Variants in CKAP2L observed in about 807,000 individuals in gnomAD.
CKAP2L encodes the protein cytoskeleton associated protein 2L.
CKAP2L carries 42 observed loss-of-function variants against 65.7 expected under a neutral mutation model. The observed-to-expected ratio is 0.64, with a 90% CI of 0.50 to 0.83. The LOEUF (loss-of-function observed/expected upper bound fraction) is 0.83, where lower values mean the gene tolerates loss of function less well. Ranked by LOEUF, CKAP2L falls within the 40% of genes least tolerant of loss-of-function variation. The probability of loss-of-function intolerance (pLI) is 0.00; values close to 1 mark genes in which losing one functional copy is unlikely to be tolerated. For synonymous variants in CKAP2L, 325 were observed against 313.5 expected (o/e 1.04, Z -0.39); for missense variants, 908 against 871.0 (o/e 1.04, Z -0.53).
intron 4 of CKAP2L, among the ~76,000 whole-genome samples, chr2:112,754,239 T>G (rs1157267524): frequency 2.0e-5 from 3 of 152,220 alleles, no homozygotes; most frequent in Non-Finnish European, 4.4e-5. Flanking sequence ...CCGTTTTTTG[T>G]CTTTATAGTT....
At chr2:112,753,586 G>A (rs943416692) in intron 4 of CKAP2L, among the ~76,000 whole-genome samples, 1 of 146,010 alleles carries the variant, frequency 6.8e-6, no homozygotes, top group Admixed American at 7.0e-5. Flanking sequence ...GGAGTGAAGT[G>A]GCATGATCTC....
chr2:112,740,320 A>G (rs949794775), intron 8 of CKAP2L, among the ~76,000 whole-genome samples: 85 of 152,348 alleles, frequency 5.6e-4, no homozygotes, highest in Non-Finnish European at 5.9e-5. Flanking sequence ...TCATGATCAG[A>G]GAAGAGTGGT....
chr2:112,746,398 C>T (rs1558756973), intron 6 of CKAP2L, 22 bp downstream of exon 6: 3 of 1,556,564 alleles, frequency 1.9e-6, no homozygotes, highest in South Asian at 2.4e-5. Flanking sequence ...TAAGAAGTTA[C>T]CCACCCAAGA....
At position 112,738,336 on chromosome 2, in the gene CKAP2L, C is replaced by A; in HGVS notation, c.*487G>T. 1 of 154,922 alleles carries A rather than the reference C, an allele frequency of 6.5e-6. No individual in the cohort carries two copies. The highest frequency in any genetic ancestry group is 1.4e-5 in the Non-Finnish European group (1 of 69,790). 9.6% of individuals were successfully genotyped at this position (154,922 alleles called of 1,614,324 possible). Reference sequence around the variant, plus strand: ...TAAATTTATGATCTCTGAGCAAAGGCACAGCTAGCATAAACTCATCTGTAA... The same window carrying A: ...TAAATTTATGATCTCTGAGCAAAGGAACAGCTAGCATAAACTCATCTGTAA... On this transcript the variant is annotated 3_prime_UTR_variant, in exon 9 of 9. Transcript: ENST00000302450.
intron 5 of CKAP2L, among the ~76,000 whole-genome samples, chr2:112,749,327 A>C (rs1476186345): frequency 6.6e-6 from 1 of 152,244 alleles, no homozygotes; most frequent in Non-Finnish European, 1.5e-5. Context: ...TCTGTACCTA[A>C]CAACATAACT....
chr2:112,740,904 CCT>C lies in CKAP2L; in HGVS notation c.1924_1925del (p.Arg642GlyfsTer16), dbSNP rs1165036916. On this transcript the variant is annotated frameshift_variant, in exon 8 of 9. Coordinates refer to ENST00000302450, the MANE Select transcript of CKAP2L (RefSeq NM_152515.5). LOFTEE classifies it high-confidence loss of function. ...SVKSCLSPKE[R>X]EQVTATPRIA... ...TTCGGGGTGTCGCCGTGACTTGTTC[CCT>C]CTCTTTTGGAGAAAGACAAGACTTC... The C allele has an allele frequency of 1.9e-6, 3 of 1,613,844 alleles. No homozygotes were observed. Among genetic ancestry groups the C allele is most frequent in the Admixed American group, 1.7e-5 (1 of 59,992 alleles).
intron 2 of CKAP2L, among the ~76,000 whole-genome samples, chr2:112,761,953 G>C (rs1178366309): frequency 6.6e-6 from 1 of 152,036 alleles, no homozygotes; most frequent in Non-Finnish European, 1.5e-5. Context: ...ACTCAAATGG[G>C]GAAAAAATTA....
In CKAP2L at chr2:112,760,710, T is replaced by C. The variant is rs771429423; in HGVS notation, c.156+3A>G. ...ATTTTTAAAAAGACTAATTTCTACT[T>C]ACAGATTTAGAAGGTGGTTGATTCT... On this transcript the variant is annotated splice_donor_region_variant and intron_variant, in intron 3 of 8. Coordinates refer to ENST00000302450, the MANE Select transcript of CKAP2L (RefSeq NM_152515.5). 30 of 1,439,228 alleles carry C rather than the reference T, an allele frequency of 2.1e-5. No homozygotes were observed. Among genetic ancestry groups the C allele is most frequent in the Non-Finnish European group, 2.9e-5 (30 of 1,040,702 alleles). The allele number at this position is 1,439,228 out of a possible 1,614,324, so 89.2% of individuals were successfully genotyped here.
Position 112,740,804 on chromosome 2 carries a change from T to G in CKAP2L, c.2012+14A>C. On this transcript the variant is annotated intron_variant, in intron 8 of 8. Transcript: ENST00000302450. ...AAGTCTGTGAACACAAAGTCTGCTT[T>G]AGAGTTTGCTTACCTAGGGATTGGA... The G allele has an allele frequency of 1.9e-6, 3 of 1,593,070 alleles. No individual in the cohort carries two copies. The highest frequency in any genetic ancestry group is 2.6e-6 in the Non-Finnish European group (3 of 1,164,196).
chr2:112,761,958 AAATT>A (rs1258733469), intron 2 of CKAP2L, among the ~76,000 whole-genome samples: 2 of 152,250 alleles, frequency 1.3e-5, no homozygotes, highest in Non-Finnish European at 2.9e-5. Context: ...AATGGGGAAA[AAATT>A]AATTAATGCT....
intron 3 of CKAP2L, among the ~76,000 whole-genome samples, chr2:112,758,586 T>C (rs1333366577): frequency 2.6e-5 from 4 of 152,182 alleles, no homozygotes; most frequent in African/African-American, 4.8e-5. Flanking sequence ...ATACCCACAA[T>C]GGCTATATCT....
intron 6 of CKAP2L, 47 bp downstream of exon 6, chr2:112,746,373 C>A: frequency 6.6e-7 from 1 of 1,505,962 alleles, no homozygotes; most frequent in Admixed American, 1.9e-5. Flanking sequence ...AGAGAACTCA[C>A]ATGAAAGAGA....
chr2:112,742,822 T>C, intron 6 of CKAP2L, 53 bp from the exon 7 acceptor site: 1 of 1,317,544 alleles, frequency 7.6e-7, no homozygotes, highest in Non-Finnish European at 1.1e-6. Flanking sequence ...ATGCAAAAAA[T>C]TTGCTAAGGA....
chr2:112,741,166 TG>T (rs1177101833), intron 7 of CKAP2L, among the ~76,000 whole-genome samples, 159 bp from the exon 8 acceptor site: 2 of 152,334 alleles, frequency 1.3e-5, no homozygotes, highest in East Asian at 3.8e-4. Flanking sequence ...ACTTATAACT[TG>T]TTTTTTCACG....
At chr2:112,752,177 A>G in intron 5 of CKAP2L, 90 bp downstream of exon 5, 2 of 869,784 alleles carry the variant, frequency 2.3e-6, no homozygotes, top group South Asian at 3.3e-5. Context: ...ACTTAGATGA[A>G]GGCTATCTCT....
intron 7 of CKAP2L, chr2:112,742,483 C>A (rs1018934921): frequency 1.4e-6 from 1 of 718,068 alleles, no homozygotes; most frequent in Non-Finnish European, 2.6e-6. Flanking sequence ...CCAGTCTAGG[C>A]TGTTTTGGTG....
chr2:112,751,173 T>A (rs1305495636), intron 5 of CKAP2L, among the ~76,000 whole-genome samples: 1 of 152,206 alleles, frequency 6.6e-6, no homozygotes, highest in Non-Finnish European at 1.5e-5. Context: ...ATAATTCTCA[T>A]GTCATACAAA....
At chr2:112,757,237 T>G (rs1680570112) in intron 3 of CKAP2L, 23 bp from the exon 4 acceptor site, 1 of 1,491,424 alleles carries the variant, frequency 6.7e-7, no homozygotes, top group African/African-American at 1.4e-5. Context: ...AGAAAATACA[T>G]ATTAAAAAAT....
rs1448766382 is a variant in CKAP2L, at chr2:112,739,013, A to T, written c.2048T>A (p.Phe683Tyr). The change falls in exon 9 of 9, where the codon TTT (phenylalanine) becomes TAT (tyrosine). Residue 683 changes from phenylalanine (F) to tyrosine (Y), a missense_variant. Transcript: ENST00000302450. ...NGMPEVQDMK[F>Y]ITPVRRSSRI... is the part of the protein sequence containing the mutation. ...CGACGAACGCCGTACAGGAGTGATA[A>T]ATTTCATGTCTTGCACTTCCGGCAT... The T allele has an allele frequency of 1.2e-5, 20 of 1,613,998 alleles. No individual in the cohort carries two copies. Among genetic ancestry groups the T allele is most frequent in the Non-Finnish European group, 1.7e-5 (20 of 1,179,992 alleles).
Sources: allele counts gnomAD v4.1 joint callset (sites outside exome capture counted in the v4.1 genomes callset), GRCh38; gene constraint gnomAD v4.1.1; transcripts MANE v1.5; gene names NCBI Gene and HGNC (gene_info 2026-07-23, HGNC 2026-07-21).